NTN4: variants seen among roughly 807,000 people sequenced by gnomAD.
NTN4 encodes the protein netrin 4.
NTN4 carries 32 observed loss-of-function variants against 73.6 expected under a neutral mutation model. The ratio of observed to expected loss-of-function variants is 0.44; its 90% CI spans 0.33 to 0.58. The LOEUF (loss-of-function observed/expected upper bound fraction) is 0.58, where lower values mean the gene tolerates loss of function less well. Among genes scored for constraint, NTN4 ranks in the 20% least tolerant of loss-of-function variants. NTN4 has a pLI of 0.04. For missense variants in NTN4, 654 were observed against 798.3 expected (o/e 0.82, Z 2.18); for synonymous variants, 258 against 287.5 (o/e 0.90, Z 1.04).
At chr12:95,712,770 T>G in intron 4 of NTN4, among the ~76,000 whole-genome samples, 1 of 149,234 alleles carries the variant, frequency 6.7e-6, no homozygotes, top group Non-Finnish European at 1.5e-5. Context: ...CCCGGCTAAT[T>G]TTTTCTTTCT....
At chr12:95,673,011 A>G in intron 7 of NTN4, 1 of 1,359,782 alleles carries the variant, frequency 7.4e-7, no homozygotes, top group Non-Finnish European at 1.0e-6. Flanking sequence ...TGGGGGATGA[A>G]GGGACCCTGT....
chr12:95,780,730 G>T (rs142542133), intron 2 of NTN4, among the ~76,000 whole-genome samples: 2,206 of 152,318 alleles, frequency 0.014, 62 homozygotes, highest in African/African-American at 0.05. Flanking sequence ...AACCATTGTG[G>T]AAGACACTGT....
At chr12:95,722,555 GC>G (rs2078656136) in intron 3 of NTN4, among the ~76,000 whole-genome samples, 5 of 152,298 alleles carry the variant, frequency 3.3e-5, no homozygotes, top group African/African-American at 1.2e-4. Flanking sequence ...AGCCTGGGAG[GC>G]AGACGTTGTA....
rs547845232 is a variant in NTN4 at position 95,764,169 on chromosome 12, C to T, written c.585+22770G>A. ...AGAAGGGTGGGGTTGTGGAGAGCCA[C>T]AGCTGTAAAACATGTAACTGTCCCT... On this transcript the variant is annotated intron_variant, in intron 2 of 9. Coordinates refer to ENST00000343702, the MANE Select transcript of NTN4 (RefSeq NM_021229.4). Among the ~76,000 whole-genome samples, 99 of 152,318 alleles carry T rather than the reference C, an allele frequency of 6.5e-4. No individual in the cohort carries two copies. In the Middle Eastern group the frequency reaches 0.01, roughly 16 times the overall value.
chr12:95,784,299 G>T (rs2079151900), intron 2 of NTN4, among the ~76,000 whole-genome samples: 1 of 152,140 alleles, frequency 6.6e-6, no homozygotes, highest in Non-Finnish European at 1.5e-5. Flanking sequence ...GAGGCTTCCT[G>T]TAGTCCTTGA....
At chr12:95,772,672 T>C (rs549374398) in intron 2 of NTN4, among the ~76,000 whole-genome samples, 1 of 152,362 alleles carries the variant, frequency 6.6e-6, no homozygotes, top group African/African-American at 2.4e-5. Flanking sequence ...GTTGCATTCT[T>C]CCAGGTGCTC....
chr12:95,753,879 CA>C (rs1472523412), intron 2 of NTN4, among the ~76,000 whole-genome samples: 1 of 152,022 alleles, frequency 6.6e-6, no homozygotes, highest in Non-Finnish European at 1.5e-5. Context: ...GACTGTGCCC[CA>C]AAAAAACTTG....
chr12:95,738,962 C>T (rs1170963177), intron 2 of NTN4, among the ~76,000 whole-genome samples: 3 of 152,200 alleles, frequency 2.0e-5, no homozygotes, highest in Non-Finnish European at 4.4e-5. Context: ...CTCCCATTCT[C>T]CTCAGAACAA....
At chr12:95,720,716 GGTTTATACCT>G (rs1282045788) in intron 3 of NTN4, among the ~76,000 whole-genome samples, 5 of 152,146 alleles carry the variant, frequency 3.3e-5, no homozygotes, top group Non-Finnish European at 7.3e-5. Flanking sequence ...GGGGTATACA[GGTTTATACCT>G]GGGCAAGGCA....
chr12:95,705,755 G>A (rs2078518078), intron 5 of NTN4, among the ~76,000 whole-genome samples: 1 of 152,010 alleles, frequency 6.6e-6, no homozygotes, highest in African/African-American at 2.4e-5. Context: ...TATACCACTA[G>A]TTGCCTATAT....
Position 95,733,995 on chromosome 12 carries a change from G to A in NTN4, c.864+3871C>T, listed in dbSNP as rs544025210. Among the ~76,000 whole-genome samples, 325 of 151,094 alleles carry A rather than the reference G, an allele frequency of 2.2e-3. 1 individual carries two copies. The highest frequency in any genetic ancestry group is 6.8e-3 in the Middle Eastern group (2 of 294). ...TGAGGCATGAGAATTGCTTGAACCCGGGAGGGGGAGGTTGCAGTGAGCCAA... is the reference window on the plus strand; with the variant it reads ...TGAGGCATGAGAATTGCTTGAACCCAGGAGGGGGAGGTTGCAGTGAGCCAA... On this transcript the variant is annotated intron_variant, in intron 3 of 9. Transcript: ENST00000343702.
At chr12:95,733,143 T>G (rs572287063) in intron 3 of NTN4, among the ~76,000 whole-genome samples, 2 of 152,270 alleles carry the variant, frequency 1.3e-5, no homozygotes, top group Admixed American at 1.3e-4. Flanking sequence ...TGGATGATAA[T>G]TGAATAAAAT....
chr12:95,677,692 G>A (rs1038637490), intron 7 of NTN4, among the ~76,000 whole-genome samples: 2 of 152,218 alleles, frequency 1.3e-5, no homozygotes, highest in African/African-American at 4.8e-5. Flanking sequence ...AACAACAGAT[G>A]CTGGCAAGGC....
chr12:95,775,394 C>T (rs1479406729), intron 2 of NTN4, among the ~76,000 whole-genome samples: 2 of 152,212 alleles, frequency 1.3e-5, no homozygotes, highest in Non-Finnish European at 2.9e-5. Context: ...ATCGCCTCAC[C>T]CAGGAAGCAC....
intron 2 of NTN4, among the ~76,000 whole-genome samples, chr12:95,760,008 A>C (rs1308143879): frequency 1.3e-5 from 2 of 152,152 alleles, no homozygotes; most frequent in Non-Finnish European, 2.9e-5. Flanking sequence ...CTTGTAATTT[A>C]TTAAACATTA....
In NTN4 at chr12:95,665,850, T is replaced by G. The variant is rs755691164; in HGVS notation, c.1710A>C (p.Ser570=). Residue 570 remains serine, a synonymous_variant, in exon 9 of 10, where the codon TCA becomes TCC. Coordinates refer to ENST00000343702, the MANE Select transcript of NTN4 (RefSeq NM_021229.4). ...GACAAGTGCATCCTCTGTCCGTCCA[T>G]GATTCTGGATATAATGTTCGCTTTC... is the stretch of plus-strand genomic sequence containing the variant. The part of the protein sequence containing the change: ...FRGKRTLYPE[S]WTDRGCTCPI... 1 of 1,614,032 alleles carries G rather than the reference T, an allele frequency of 6.2e-7. No individual in the cohort carries two copies. Among genetic ancestry groups the G allele is most frequent in the Non-Finnish European group, 8.5e-7 (1 of 1,179,942 alleles).
chr12:95,678,466 A>C lies in NTN4; in HGVS notation c.1510+4241T>G, dbSNP rs560111871. On this transcript the variant is annotated intron_variant, in intron 7 of 9. Coordinates refer to ENST00000343702, the MANE Select transcript of NTN4 (RefSeq NM_021229.4). Reference sequence around the variant, plus strand: ...TTTTCTCAAAAGATGCAGAGAAGGCATTCAGCTAAAAGCAAAACTCATTAA... The same window carrying C: ...TTTTCTCAAAAGATGCAGAGAAGGCCTTCAGCTAAAAGCAAAACTCATTAA... Among the ~76,000 whole-genome samples the C allele has an allele frequency of 4.6e-5, 7 of 152,166 alleles. No homozygotes were observed. In the South Asian group the frequency reaches 1.2e-3, roughly 27 times the overall value.
chr12:95,744,704 T>G (rs2078849010), intron 2 of NTN4, among the ~76,000 whole-genome samples: 1 of 152,204 alleles, frequency 6.6e-6, no homozygotes. Context: ...TAAAAAGGCA[T>G]TTCACATGTA....
At chr12:95,680,780 T>C (rs1195477874) in intron 7 of NTN4, among the ~76,000 whole-genome samples, 1 of 152,172 alleles carries the variant, frequency 6.6e-6, no homozygotes, top group East Asian at 1.9e-4. Flanking sequence ...CAGGTGCTAT[T>C]ATGGTGCACT....
Sources: gnomAD v4.1 joint callset for allele counts (sites outside exome capture counted in the v4.1 genomes callset) on GRCh38, gnomAD v4.1.1 for gene constraint, MANE v1.5 for transcripts, NCBI Gene and HGNC (gene_info 2026-07-23, HGNC 2026-07-21) for gene names.